Variants in PTTG1IP2 observed in about 807,000 individuals in gnomAD.
PTTG1IP2 encodes the protein PTTG1IP family member 2.
intron 6 of PTTG1IP2, among the ~76,000 whole-genome samples, chr7:90,504,264 C>T (rs1281235413): frequency 1.3e-5 from 2 of 151,430 alleles, no homozygotes; most frequent in Non-Finnish European, 2.9e-5. Flanking sequence ...TGCAGTGAGC[C>T]AAGATCACGC....
intron 2 of PTTG1IP2, among the ~76,000 whole-genome samples, chr7:90,481,576 T>C (rs181484311): frequency 1.3e-5 from 2 of 152,266 alleles, no homozygotes; most frequent in African/African-American, 4.8e-5. Flanking sequence ...ATTGAGGCCT[T>C]AGGTATAAAC....
At chr7:90,511,032 C>T (rs1798183908) in intron 6 of PTTG1IP2, among the ~76,000 whole-genome samples, 1 of 151,936 alleles carries the variant, frequency 6.6e-6, no homozygotes, top group Middle Eastern at 3.2e-3. Context: ...TTACACCAGT[C>T]ATCATCTCTG....
intron 5 of PTTG1IP2, 131 bp from the exon 6 acceptor site, chr7:90,494,236 G>T (rs144622398): frequency 6.6e-6 from 1 of 152,084 alleles, no homozygotes; most frequent in Non-Finnish European, 1.5e-5. Context: ...AATAGCAACA[G>T]TATTAAAATC....
intron 1 of PTTG1IP2, among the ~76,000 whole-genome samples, chr7:90,472,423 A>C (rs572049763): frequency 6.6e-6 from 1 of 152,308 alleles, no homozygotes; most frequent in South Asian, 2.1e-4. Context: ...TATTCAGTGA[A>C]ACAAGCCTCG....
chr7:90,486,913 A>G (rs778766369), intron 2 of PTTG1IP2, among the ~76,000 whole-genome samples: 34 of 152,202 alleles, frequency 2.2e-4, no homozygotes, highest in Non-Finnish European at 4.3e-4. Context: ...CCAAGAAAAG[A>G]TGAGGTCTTA....
At chr7:90,489,527 C>A (rs897583696) in intron 4 of PTTG1IP2, among the ~76,000 whole-genome samples, 2 of 151,608 alleles carry the variant, frequency 1.3e-5, no homozygotes, top group Admixed American at 6.6e-5. Context: ...AAATTTGGAT[C>A]CCTTCCATTT....
At chr7:90,497,251 G>A (rs1798002367) in intron 6 of PTTG1IP2, among the ~76,000 whole-genome samples, 1 of 152,096 alleles carries the variant, frequency 6.6e-6, no homozygotes, top group Non-Finnish European at 1.5e-5. Flanking sequence ...GGTCAACAGA[G>A]CAAGATCTCA....
At chr7:90,489,696 A>G (rs564966926) in intron 4 of PTTG1IP2, among the ~76,000 whole-genome samples, 14 of 152,106 alleles carry the variant, frequency 9.2e-5, no homozygotes, top group Admixed American at 9.2e-4. Flanking sequence ...TAAAAAGGAT[A>G]ACATATTTAT....
chr7:90,478,233 A>C (rs1797774745), intron 1 of PTTG1IP2, among the ~76,000 whole-genome samples: 1 of 152,172 alleles, frequency 6.6e-6, no homozygotes, highest in South Asian at 2.1e-4. Context: ...GTTTACAAAA[A>C]AGCTGTGGGA....
intron 1 of PTTG1IP2, among the ~76,000 whole-genome samples, chr7:90,474,237 A>C (rs1362602041): frequency 6.6e-6 from 1 of 152,234 alleles, no homozygotes; most frequent in Non-Finnish European, 1.5e-5. Context: ...TAAACATAGA[A>C]ATGGAATAGT....
chr7:90,494,466 A>C (rs1167332186), intron 6 of PTTG1IP2, 36 bp downstream of exon 6: 1 of 152,236 alleles, frequency 6.6e-6, no homozygotes, highest in Admixed American at 6.5e-5. Context: ...AATTTTCTGC[A>C]TGCCATTTTC....
intron 6 of PTTG1IP2, among the ~76,000 whole-genome samples, chr7:90,507,127 TATA>T (rs2116126924): frequency 6.6e-6 from 1 of 152,326 alleles, no homozygotes; most frequent in Non-Finnish European, 1.5e-5. Context: ...CGAAGTTAGT[TATA>T]ATAATTAGGC....
At chr7:90,499,315 T>C (rs959864505) in intron 6 of PTTG1IP2, among the ~76,000 whole-genome samples, 6 of 152,234 alleles carry the variant, frequency 3.9e-5, no homozygotes, top group African/African-American at 1.4e-4. Context: ...AAATCTATTA[T>C]AGTTTTGTTT....
intron 6 of PTTG1IP2, among the ~76,000 whole-genome samples, chr7:90,504,032 A>T (rs1356900085): frequency 6.6e-6 from 1 of 152,204 alleles, no homozygotes; most frequent in South Asian, 2.1e-4. Context: ...AAAAAAGCAC[A>T]TCTGCTGGGC....
intron 6 of PTTG1IP2, among the ~76,000 whole-genome samples, chr7:90,510,340 G>A (rs573983640): frequency 1.6e-4 from 24 of 152,288 alleles, no homozygotes; most frequent in African/African-American, 5.8e-4. Context: ...TAATTTTGTG[G>A]TAGCACAGCT....
intron 1 of PTTG1IP2, among the ~76,000 whole-genome samples, chr7:90,474,187 T>C (rs1307383905): frequency 2.6e-5 from 4 of 152,170 alleles, no homozygotes; most frequent in Admixed American, 6.5e-5. Context: ...CTGCAGGCAA[T>C]TGTAACACAA....
intron 5 of PTTG1IP2, among the ~76,000 whole-genome samples, chr7:90,492,841 A>G (rs1490305943): frequency 1.3e-5 from 2 of 152,154 alleles, no homozygotes; most frequent in African/African-American, 2.4e-5. Flanking sequence ...CACTTCATCT[A>G]CCTAGTTCCT....
intron 6 of PTTG1IP2, among the ~76,000 whole-genome samples, chr7:90,511,251 C>G (rs1463062257): frequency 6.6e-6 from 1 of 152,150 alleles, no homozygotes; most frequent in African/African-American, 2.4e-5. Context: ...AACTTAAAAT[C>G]TAGTTGCTGA....
intron 1 of PTTG1IP2, among the ~76,000 whole-genome samples, chr7:90,471,563 G>T (rs552760280): frequency 1.3e-5 from 2 of 152,224 alleles, no homozygotes; most frequent in East Asian, 1.9e-4. Context: ...CAACAAAGGG[G>T]CATAGTGCAA....
Sources: gnomAD v4.1 joint callset for allele counts (sites outside exome capture counted in the v4.1 genomes callset) on GRCh38, gnomAD v4.1.1 for gene constraint, MANE v1.5 for transcripts, NCBI Gene and HGNC (gene_info 2026-07-23, HGNC 2026-07-21) for gene names.